The following AFF3 variants were observed in gnomAD, a reference collection of about 807,000 sequenced individuals.
AFF3 encodes ALF transcription elongation factor 3, also known as AF4/FMR2 family member 3.
AFF3 carries 32 observed loss-of-function variants against 129.7 expected under a neutral mutation model. That is an observed-to-expected ratio of 0.25 (90% confidence interval 0.19 to 0.33). AFF3 has a LOEUF of 0.33. Ranked by LOEUF, AFF3 falls within the 10% of genes least tolerant of loss-of-function variation. AFF3 has a pLI of 1.00. For missense variants in AFF3, 1,373 were observed against 1,592.0 expected, an observed-to-expected ratio of 0.86 and a Z score of 2.34; for synonymous variants, 644 against 635.4, an observed-to-expected ratio of 1.01 and a Z score of -0.20.
chr2:100,044,084 CCATG>C (rs1303644886), intron 4 of AFF3, among the ~76,000 whole-genome samples: 2 of 152,180 alleles, frequency 1.3e-5, no homozygotes, highest in African/African-American at 4.8e-5. Flanking sequence ...GCCGATCTGG[CCATG>C]GGGCCAGGAA....
At chr2:99,615,526 A>T (rs1354667641) in intron 13 of AFF3, among the ~76,000 whole-genome samples, 2 of 152,256 alleles carry the variant, frequency 1.3e-5, no homozygotes, top group Non-Finnish European at 2.9e-5. Context: ...TTCTTCGACA[A>T]CTGGGATGGG....
chr2:99,594,107 C>G lies in AFF3; in HGVS notation c.1554G>C (p.Leu518=). The change falls in exon 15 of 25, where the codon CTG becomes CTC. Residue 518 remains leucine, a synonymous_variant. Coordinates refer to ENST00000672756, the MANE Select transcript of AFF3 (RefSeq NM_001386135.1). The part of the protein sequence containing the change: ...GKVPDVCQPS[L]REKEIKSTCK... ...AAGTGCTCTTGATCTCCTTCTCTCT[C>G]AGGCTGGGCTGGCAAACGTCGGGGA... 5 of 1,614,052 alleles carry G rather than the reference C, an allele frequency of 3.1e-6. No individual in the cohort carries two copies. Among genetic ancestry groups the G allele is most frequent in the Non-Finnish European group, 4.2e-6 (5 of 1,179,974 alleles).
intron 11 of AFF3, chr2:99,707,020 G>T: frequency 1.2e-6 from 1 of 831,930 alleles, no homozygotes; most frequent in Non-Finnish European, 1.4e-6. Flanking sequence ...GACAGCACAA[G>T]CCTCAAAGGC....
intron 11 of AFF3, among the ~76,000 whole-genome samples, chr2:99,678,654 G>A (rs1674235468): frequency 6.6e-6 from 1 of 152,164 alleles, no homozygotes; most frequent in South Asian, 2.1e-4. Flanking sequence ...TTCTATAGCT[G>A]GTGCTGCTAC....
intron 21 of AFF3, among the ~76,000 whole-genome samples, chr2:99,559,749 C>T (rs1009093876): frequency 1.3e-5 from 2 of 152,212 alleles, no homozygotes; most frequent in South Asian, 2.1e-4. Context: ...TCTCCTCCTA[C>T]CAACCAAATC....
At chr2:99,693,379 A>G (rs915123879) in intron 11 of AFF3, among the ~76,000 whole-genome samples, 1 of 152,190 alleles carries the variant, frequency 6.6e-6, no homozygotes, top group African/African-American at 2.4e-5. Context: ...TGGATACTGC[A>G]AAAACTGGAT....
intron 8 of AFF3, among the ~76,000 whole-genome samples, chr2:99,789,281 C>T (rs1036564041): frequency 6.6e-6 from 1 of 151,736 alleles, no homozygotes; most frequent in Non-Finnish European, 1.5e-5. Flanking sequence ...AAAAAATTAT[C>T]TGGGCATGGC....
chr2:99,576,157 G>A (rs1373299763), intron 18 of AFF3, among the ~76,000 whole-genome samples: 2 of 151,404 alleles, frequency 1.3e-5, no homozygotes, highest in South Asian at 2.1e-4. Context: ...CTCAGCCTCC[G>A]GAGTAGCTGA....
At chr2:99,741,120 G>A (rs1342537585) in intron 10 of AFF3, among the ~76,000 whole-genome samples, 1 of 152,134 alleles carries the variant, frequency 6.6e-6, no homozygotes, top group African/African-American at 2.4e-5. Context: ...GTAGACATGC[G>A]GCGTTATTTC....
chr2:99,716,678 C>T (rs369281209), intron 11 of AFF3, among the ~76,000 whole-genome samples: 1 of 151,720 alleles, frequency 6.6e-6, no homozygotes, highest in Admixed American at 6.6e-5. Context: ...ATCAGGAGTT[C>T]GAGACCAGCC....
intron 20 of AFF3, among the ~76,000 whole-genome samples, chr2:99,561,020 T>G (rs1675416597): frequency 6.6e-6 from 1 of 152,238 alleles, no homozygotes; most frequent in South Asian, 2.1e-4. Context: ...CCAAGGGGAC[T>G]GTGGCCATTG....
intron 13 of AFF3, among the ~76,000 whole-genome samples, chr2:99,617,097 T>C (rs1470103196): frequency 6.6e-6 from 1 of 152,248 alleles, no homozygotes. Flanking sequence ...TGGGCTACTA[T>C]GGATAATGCC....
intron 8 of AFF3, among the ~76,000 whole-genome samples, chr2:99,830,105 C>T (rs1365772876): frequency 6.6e-6 from 1 of 152,046 alleles, no homozygotes; most frequent in African/African-American, 2.4e-5. Context: ...GGGAACATCA[C>T]ACACCAGGGC....
chr2:99,556,192 C>A (rs1263428727), intron 22 of AFF3, among the ~76,000 whole-genome samples: 3 of 152,186 alleles, frequency 2.0e-5, no homozygotes, highest in Non-Finnish European at 4.4e-5. Flanking sequence ...GCCTGTAATC[C>A]CAGCACTATG....
rs75704042 is a variant in AFF3, at chr2:100,089,012, A to T, written c.53+15390T>A. The stretch of plus-strand genomic sequence containing the variant: ...AGAAAGAAGCATTGTTATACATTTT[A>T]AAAAAGTGTTACACTTATTTTTCTG... On this transcript the variant is annotated intron_variant, in intron 4 of 24. Transcript: ENST00000672756. Among the ~76,000 whole-genome samples, 17 of 152,358 alleles carry T rather than the reference A, an allele frequency of 1.1e-4. No homozygotes were observed. The East Asian group carries it at 1.9e-3, about 17-fold the overall frequency.
intron 22 of AFF3, 112 bp from the exon 23 acceptor site, chr2:99,554,844 A>C (rs1674772876): frequency 3.3e-6 from 4 of 1,196,818 alleles, no homozygotes; most frequent in Non-Finnish European, 1.2e-6. Flanking sequence ...ACACTGCAGG[A>C]AAAAGGCACC....
At chr2:100,119,478 G>T (rs72966498) in intron 2 of AFF3, among the ~76,000 whole-genome samples, 3,006 of 152,264 alleles carry the variant, frequency 0.02, 102 homozygotes, top group African/African-American at 0.067. Flanking sequence ...CTTGACCCCA[G>T]AGTCAAAGCC....
At chr2:100,105,274 C>T in intron 3 of AFF3, 1 of 1,174,754 alleles carries the variant, frequency 8.5e-7, no homozygotes, top group Non-Finnish European at 1.1e-6. Context: ...GGGGGAATTC[C>T]CCGGCCGCCC....
chr2:99,567,943 G>A (rs547657500), intron 19 of AFF3, among the ~76,000 whole-genome samples: 1 of 152,332 alleles, frequency 6.6e-6, no homozygotes, highest in Non-Finnish European at 1.5e-5. Flanking sequence ...GACTCAGATT[G>A]TGTGGACAAG....
Sources: allele counts gnomAD v4.1 joint callset (sites outside exome capture counted in the v4.1 genomes callset), GRCh38; gene constraint gnomAD v4.1.1; transcripts MANE v1.5; gene names NCBI Gene and HGNC (gene_info 2026-07-23, HGNC 2026-07-21).